SFI1: variants seen among roughly 807,000 people sequenced by gnomAD.
SFI1 encodes SFI1 centrin binding protein.
Under a neutral mutation model 207.5 loss-of-function variants are expected in SFI1, and 195 were observed. The observed-to-expected ratio is 0.94, with a 90% confidence interval of 0.84 to 1.06. SFI1 has a LOEUF of 1.06. Ranked by LOEUF, SFI1 falls within the 50% of genes least tolerant of loss-of-function variation. The pLI, the probability that SFI1 is intolerant of heterozygous loss-of-function variation, is 0.00. For missense variants in SFI1, 1,634 were observed against 1,588.0 expected (o/e 1.03, Z -0.49); for synonymous variants, 630 against 598.9 (o/e 1.05, Z -0.76).
chr22:31,531,253 T>C, intron 4 of SFI1, 124 bp downstream of exon 4: 1 of 712,710 alleles, frequency 1.4e-6, no homozygotes, highest in East Asian at 2.6e-5. Context: ...CTCCAGTAGG[T>C]AGAAGCAGTC....
At chr22:31,593,060 G>A (rs1210274270) in intron 15 of SFI1, among the ~76,000 whole-genome samples, 4 of 138,576 alleles carry the variant, frequency 2.9e-5, no homozygotes, top group East Asian at 2.3e-4. Flanking sequence ...CCTCCCGGAC[G>A]GCACGGCTGG....
chr22:31,540,240 GTTAT>G (rs945901328), intron 4 of SFI1, among the ~76,000 whole-genome samples: 3 of 150,360 alleles, frequency 2.0e-5, no homozygotes, highest in Non-Finnish European at 3.0e-5. Flanking sequence ...TTTTTAATTT[GTTAT>G]TTATTTATAT....
intron 24 of SFI1, chr22:31,612,391 AAAAAAAAATATATATATATAT>A (rs2070381474): frequency 8.4e-6 from 1 of 119,550 alleles, no homozygotes; most frequent in East Asian, 3.1e-4. Context: ...AAAAAAAAAA[AAAAAAAAATATATATATATAT>A]ATATATATAT....
intron 12 of SFI1, among the ~76,000 whole-genome samples, chr22:31,581,946 C>T (rs191838253): frequency 2.0e-5 from 3 of 151,510 alleles, no homozygotes; most frequent in South Asian, 4.2e-4. Context: ...TCTTATGTAA[C>T]GACAATGTCA....
At chr22:31,594,630 C>T (rs182819876) in intron 15 of SFI1, among the ~76,000 whole-genome samples, 25 of 150,744 alleles carry the variant, frequency 1.7e-4, no homozygotes, top group Admixed American at 1.6e-3. Context: ...CCAAGGCGGG[C>T]GGATCACGAG....
intron 1 of SFI1, among the ~76,000 whole-genome samples, chr22:31,502,989 A>C (rs1000816902): frequency 2.9e-5 from 4 of 137,462 alleles, no homozygotes; most frequent in African/African-American, 1.1e-4. Flanking sequence ...CAGGAGGCAG[A>C]GTTTGCAGTG....
At chr22:31,577,237 A>G (rs2063621120) in intron 10 of SFI1, among the ~76,000 whole-genome samples, 1 of 152,200 alleles carries the variant, frequency 6.6e-6, no homozygotes, top group African/African-American at 2.4e-5. Flanking sequence ...ATGTTTGTGC[A>G]GAGTCTAAGT....
chr22:31,550,194 A>T (rs1381323885), intron 5 of SFI1, 60 bp from the exon 6 acceptor site: 1 of 1,377,624 alleles, frequency 7.3e-7, no homozygotes, highest in African/African-American at 1.4e-5. Context: ...TACAGGTGTG[A>T]GCCACCGCGC....
intron 3 of SFI1, chr22:31,529,090 A>G: frequency 2.3e-6 from 1 of 429,648 alleles, no homozygotes; most frequent in African/African-American, 2.0e-5. Context: ...ATATGACGCT[A>G]TCAAGATTCT....
intron 5 of SFI1, among the ~76,000 whole-genome samples, chr22:31,547,704 C>T (rs1047369114): frequency 1.3e-4 from 20 of 150,982 alleles, no homozygotes; most frequent in African/African-American, 4.9e-4. Flanking sequence ...ACTGCAACCT[C>T]CGCCGCCTGG....
chr22:31,585,964 G>C (rs1034196343), intron 14 of SFI1, among the ~76,000 whole-genome samples: 4 of 152,032 alleles, frequency 2.6e-5, no homozygotes, highest in African/African-American at 9.7e-5. Context: ...TCTTCTGTTG[G>C]AGTCTAACAG....
Position 31,607,964 on chromosome 22 carries a change from T to C in SFI1, c.2185T>C (p.Ser729Pro), listed in dbSNP as rs202142659. The C allele has an allele frequency of 6.2e-7, 1 of 1,613,814 alleles. No individual in the cohort carries two copies. The highest frequency in any genetic ancestry group is 8.5e-7 in the Non-Finnish European group (1 of 1,179,872). ...KVLVQWREAV[S>P]VQMYYRQQED... ...CCTGGTCCAGTGGCGGGAAGCTGTG[T>C]CAGTGCAGATGTATTACCGACAGCA... Residue 729 changes from serine (S) to proline (P), a missense_variant, in exon 22 of 33, where the codon TCA (serine) becomes CCA (proline). By Grantham distance (74) the Ser-to-Pro change is moderately conservative. Transcript: ENST00000400288.
At chr22:31,547,037 G>A (rs1250675084) in intron 5 of SFI1, 66 bp downstream of exon 5, 10 of 1,206,112 alleles carry the variant, frequency 8.3e-6, no homozygotes, top group Middle Eastern at 3.9e-4. Flanking sequence ...ATTTGTTGGC[G>A]TGTTTATGGT....
chr22:31,502,546 G>A lies in SFI1; in HGVS notation c.-30-5709G>A, dbSNP rs1052516319. On this transcript the variant is annotated intron_variant, in intron 1 of 32. Coordinates refer to ENST00000400288, the MANE Select transcript of SFI1 (RefSeq NM_001007467.3). ...CTGCCACCATGCCCGGCTAATTTTT[G>A]TATTTTTATTAGAGACGGGGTTTCA... 5.9e-5 allele frequency among the ~76,000 whole-genome samples: 9 copies of A among 151,942 alleles called. 1 individual carries two copies. Among genetic ancestry groups the A allele is most frequent in the African/African-American group, 2.2e-4 (9 of 41,464 alleles).
chr22:31,497,441 T>G (rs1297763169), intron 1 of SFI1: 3 of 152,204 alleles, frequency 2.0e-5, no homozygotes, highest in African/African-American at 4.8e-5. Context: ...TGCAATTGTT[T>G]TAGGTGGCCA....
At chr22:31,560,358 T>G (rs1188346179) in intron 7 of SFI1, among the ~76,000 whole-genome samples, 1 of 151,884 alleles carries the variant, frequency 6.6e-6, no homozygotes. Context: ...TGATTGCAGA[T>G]TATTTTGTGA....
chr22:31,564,673 A>AT (rs1339214345), intron 8 of SFI1, among the ~76,000 whole-genome samples: 74 of 139,392 alleles, frequency 5.3e-4, no homozygotes, highest in East Asian at 2.1e-3. Context: ...CCTGGCTAAT[A>AT]TTTTTTTTTT....
chr22:31,578,978 C>T (rs1603127792), intron 11 of SFI1, among the ~76,000 whole-genome samples: 1 of 152,094 alleles, frequency 6.6e-6, no homozygotes, highest in African/African-American at 2.4e-5. Context: ...CTTTGCTTAG[C>T]CAATTTGTGA....
Position 31,618,314 on chromosome 22 carries a change from G to C in SFI1, c.3625G>C (p.Val1209Leu). Residue 1209 changes from valine to leucine, a missense_variant and splice_region_variant, in exon 33 of 33, where the codon GTG becomes CTG. Physicochemically the swap from Val to Leu is conservative, Grantham distance 32 (BLOSUM62 1). Coordinates refer to ENST00000400288, the MANE Select transcript of SFI1 (RefSeq NM_001007467.3). The part of the protein sequence containing the change: ...EQQVQKELEQ[V>L]EMQIQLLAEE... ...CCTGCCTGTCCCTCCATGGCCCCAG[G>C]TGGAAATGCAGATCCAGCTGCTGGC... The C allele has an allele frequency of 6.2e-7, 1 of 1,608,946 alleles. No homozygotes were observed. The highest frequency in any genetic ancestry group is 1.1e-5 in the South Asian group (1 of 90,786).
Sources: gnomAD v4.1 joint callset for allele counts (sites outside exome capture counted in the v4.1 genomes callset) on GRCh38, gnomAD v4.1.1 for gene constraint, MANE v1.5 for transcripts, NCBI Gene and HGNC (gene_info 2026-07-23, HGNC 2026-07-21) for gene names.